Variants in SLC4A10 observed in about 807,000 individuals in gnomAD.
SLC4A10 encodes the protein solute carrier family 4 member 10.
Under a neutral mutation model 137.7 loss-of-function variants are expected in SLC4A10, and 42 were observed. The ratio of observed to expected loss-of-function variants is 0.30; its 90% CI spans 0.24 to 0.39. SLC4A10 has a LOEUF of 0.39. Ranked by LOEUF, SLC4A10 falls within the 10% of genes least tolerant of loss-of-function variation. The probability of loss-of-function intolerance (pLI) is 1.00; values close to 1 mark genes in which losing one functional copy is unlikely to be tolerated. For missense variants in SLC4A10, 925 were observed against 1,355.0 expected, an observed-to-expected ratio of 0.68 and a Z score of 4.98; for synonymous variants, 474 against 464.1, an observed-to-expected ratio of 1.02 and a Z score of -0.27.
chr2:161,826,620 A>G (rs572528024), intron 3 of SLC4A10, among the ~76,000 whole-genome samples: 1 of 152,352 alleles, frequency 6.6e-6, no homozygotes, highest in East Asian at 1.9e-4. Flanking sequence ...TTAAGGCAAT[A>G]TAAGTAATAT....
At chr2:161,689,513 T>C (rs889273072) in intron 1 of SLC4A10, among the ~76,000 whole-genome samples, 1 of 152,216 alleles carries the variant, frequency 6.6e-6, no homozygotes, top group African/African-American at 2.4e-5. Flanking sequence ...CCTTATAGCA[T>C]AGGTGTGTAG....
chr2:161,895,393 G>A (rs1419096586), intron 11 of SLC4A10, among the ~76,000 whole-genome samples: 2 of 151,904 alleles, frequency 1.3e-5, no homozygotes, highest in Non-Finnish European at 2.9e-5. Context: ...GTGTCTTTAT[G>A]GCAGCATGAT....
chr2:161,859,594 C>CTTTTTTTTTTTT (rs72003642), intron 5 of SLC4A10, among the ~76,000 whole-genome samples: 14 of 47,276 alleles, frequency 3.0e-4, no homozygotes, highest in South Asian at 9.7e-4. Flanking sequence ...CTTTTCTTTT[C>CTTTTTTTTTTTT]TTTTTTTTTT....
intron 1 of SLC4A10, among the ~76,000 whole-genome samples, chr2:161,744,825 T>G (rs958844957): frequency 6.6e-6 from 1 of 152,170 alleles, no homozygotes; most frequent in African/African-American, 2.4e-5. Context: ...ATATTGTAGT[T>G]TTATTTTTGA....
chr2:161,744,615 A>G lies in SLC4A10; in HGVS notation c.49-26358A>G, dbSNP rs189398689. Among the ~76,000 whole-genome samples, 85 of 152,240 alleles carry G rather than the reference A, an allele frequency of 5.6e-4. 3 individuals carry two copies. The East Asian group carries it at 0.014, about 26-fold the overall frequency. On this transcript the variant is annotated intron_variant, in intron 1 of 26. Coordinates refer to ENST00000446997, the MANE Select transcript of SLC4A10 (RefSeq NM_001178015.2). Reference sequence around the variant, plus strand: ...GTAGGATTTTTTATTTAAAGCTACTATGAGGCTTGTAAATAACATCTATAA... The same window carrying G: ...GTAGGATTTTTTATTTAAAGCTACTGTGAGGCTTGTAAATAACATCTATAA...
At chr2:161,890,546 C>A (rs1443409837) in intron 10 of SLC4A10, among the ~76,000 whole-genome samples, 1 of 152,004 alleles carries the variant, frequency 6.6e-6, no homozygotes, top group Admixed American at 6.6e-5. Context: ...TTAGGTAATG[C>A]CCTTCTTTGT....
At chr2:161,727,760 A>G (rs568939261) in intron 1 of SLC4A10, among the ~76,000 whole-genome samples, 1 of 152,282 alleles carries the variant, frequency 6.6e-6, no homozygotes, top group Admixed American at 6.5e-5. Context: ...TGAGAAAATT[A>G]GAAGACACAA....
chr2:161,888,701 G>T (rs1048894971), intron 10 of SLC4A10, among the ~76,000 whole-genome samples: 6 of 152,118 alleles, frequency 3.9e-5, no homozygotes, highest in African/African-American at 1.4e-4. Flanking sequence ...TGAGACAGTG[G>T]GGTTTTCTAA....
intron 6 of SLC4A10, 40 bp downstream of exon 6, chr2:161,863,102 G>T: frequency 6.6e-7 from 1 of 1,525,100 alleles, no homozygotes; most frequent in Non-Finnish European, 8.9e-7. Flanking sequence ...TCTACTATAG[G>T]TCTCTGACAT....
At position 161,839,898 on chromosome 2, in the gene SLC4A10, T is replaced by C; in HGVS notation, c.387T>C (p.Gly129=). The C allele has an allele frequency of 6.2e-7, 1 of 1,613,806 alleles. No homozygotes were observed. Among genetic ancestry groups the C allele is most frequent in the Non-Finnish European group, 8.5e-7 (1 of 1,179,798 alleles). ...TGGATGAGATTTGTTGGCGTGAAGG[T>C]GAGGACGCTGAGTGGCGAGAAACAG... ...TELDEICWRE[G]EDAEWRETAR... The change falls in exon 4 of 27, where the codon GGT becomes GGC. Residue 129 remains glycine (G), a synonymous_variant. Transcript: ENST00000446997.
intron 11 of SLC4A10, among the ~76,000 whole-genome samples, chr2:161,897,763 T>C (rs1482064003): frequency 2.0e-5 from 3 of 152,156 alleles, no homozygotes; most frequent in Non-Finnish European, 4.4e-5. Context: ...AATACATCTT[T>C]GTACTAATGA....
At chr2:161,938,454 G>A (rs980626943) in intron 15 of SLC4A10, among the ~76,000 whole-genome samples, 7 of 151,550 alleles carry the variant, frequency 4.6e-5, no homozygotes, top group African/African-American at 9.7e-5. Flanking sequence ...AATCACATCC[G>A]AGTTCGTGTA....
rs569864331 is a variant in SLC4A10, at chr2:161,626,914, A to G, written c.48+2348A>G. Among the ~76,000 whole-genome samples the G allele has an allele frequency of 1.8e-4, 27 of 152,288 alleles. No homozygotes were observed. In the South Asian group the frequency reaches 5.4e-3, roughly 30 times the overall value. ...GGCTCTGTTTTAGAAAATTAATCAG[A>G]CGACTTTGCAAATAATTTTGTGAGA... is the stretch of plus-strand genomic sequence containing the variant. On this transcript the variant is annotated intron_variant, in intron 1 of 26. Transcript: ENST00000446997.
intron 1 of SLC4A10, among the ~76,000 whole-genome samples, chr2:161,752,352 G>A (rs1359825227): frequency 6.6e-6 from 1 of 151,820 alleles, no homozygotes; most frequent in Non-Finnish European, 1.5e-5. Flanking sequence ...GGCCCATGAA[G>A]AGCTCAAATT....
chr2:161,779,801 A>C (rs1428455441), intron 2 of SLC4A10, among the ~76,000 whole-genome samples: 3 of 151,998 alleles, frequency 2.0e-5, no homozygotes, highest in African/African-American at 7.2e-5. Flanking sequence ...TAATTTTTAC[A>C]TTTAAAAATG....
chr2:161,933,183 T>TTTTTTTC lies in SLC4A10; in HGVS notation c.1998-9606_1998-9605insTTTCTTT, dbSNP rs1339338924. Among the ~76,000 whole-genome samples, 619 of 97,678 alleles carry TTTTTTTC rather than the reference T, an allele frequency of 6.3e-3. 12 individuals are homozygous for TTTTTTTC. Among genetic ancestry groups the TTTTTTTC allele is most frequent in the East Asian group, 0.019 (63 of 3,376 alleles). The allele number at this position is 97,678 out of a possible 152,430, so 64.1% of individuals were successfully genotyped here. On this transcript the variant is annotated intron_variant, in intron 15 of 26. Coordinates refer to ENST00000446997, the MANE Select transcript of SLC4A10 (RefSeq NM_001178015.2). ...CTTTCTTTCTCTTTCCCCTTCCTTC[T>TTTTTTTC]TTTCTTTCTTTCTTTCTTTCTTTCT...
Position 161,844,292 on chromosome 2 carries a change from G to A in SLC4A10, c.416+4365G>A, listed in dbSNP as rs187149418. The stretch of plus-strand genomic sequence containing the variant: ...GCATTTGATCTTCAAAATTAGTAAT[G>A]GTTTAAGTCATCTGGATTTTTTACG... On this transcript the variant is annotated intron_variant, in intron 4 of 26. Transcript: ENST00000446997. Among the ~76,000 whole-genome samples the A allele has an allele frequency of 2.1e-3, 326 of 152,198 alleles. 3 individuals are homozygous for A. The highest frequency in any genetic ancestry group is 0.012 in the Admixed American group (186 of 15,260).
At chr2:161,654,425 T>A (rs904950318) in intron 1 of SLC4A10, among the ~76,000 whole-genome samples, 2 of 152,194 alleles carry the variant, frequency 1.3e-5, no homozygotes. Flanking sequence ...TTGTTGCCTG[T>A]GCTTTTGTTA....
Position 161,706,562 on chromosome 2 carries a change from C to T in SLC4A10, c.49-64411C>T, listed in dbSNP as rs1008230198. Among the ~76,000 whole-genome samples the T allele has an allele frequency of 2.6e-5, 4 of 151,610 alleles. No homozygotes were observed. The East Asian group carries it at 5.8e-4, about 22-fold the overall frequency. On this transcript the variant is annotated intron_variant, in intron 1 of 26. Transcript: ENST00000446997. ...TTTAACATTCTCCTGATTTGTCTCCCGTCCTCCAGTTTTGTTTTACTCAAT... is the reference window on the plus strand; with the variant it reads ...TTTAACATTCTCCTGATTTGTCTCCTGTCCTCCAGTTTTGTTTTACTCAAT...
Sources: gnomAD v4.1 joint callset for allele counts (sites outside exome capture counted in the v4.1 genomes callset) on GRCh38, gnomAD v4.1.1 for gene constraint, MANE v1.5 for transcripts, NCBI Gene and HGNC (gene_info 2026-07-23, HGNC 2026-07-21) for gene names.